Variants in ZBED6 observed in about 807,000 individuals in gnomAD.
ZBED6 encodes zinc finger BED-type containing 6.
Under a neutral mutation model 58.4 loss-of-function variants are expected in ZBED6, and 40 were observed. That is an observed-to-expected ratio of 0.68 (90% CI 0.53 to 0.89). The LOEUF (loss-of-function observed/expected upper bound fraction) is 0.89, where lower values mean the gene tolerates loss of function less well. Among genes scored for constraint, ZBED6 ranks in the 40% least tolerant of loss-of-function variants. The pLI is 0.00. For missense variants in ZBED6, 1,057 were observed against 1,003.9 expected (o/e 1.05, Z -0.71); for synonymous variants, 439 against 350.6 (o/e 1.25, Z -2.82).
intron 11 of ZBED6, among the ~76,000 whole-genome samples, chr1:203,842,696 G>A (rs1008683470): frequency 6.7e-6 from 1 of 149,994 alleles, no homozygotes; most frequent in African/African-American, 2.4e-5. Context: ...GCATATGTAT[G>A]AGATTATTCT....
chr1:203,847,779 C>A, intron 12 of ZBED6, 92 bp downstream of exon 12: 1 of 1,511,454 alleles, frequency 6.6e-7, no homozygotes, highest in Non-Finnish European at 8.9e-7. Context: ...GTTTGACAAC[C>A]TTTCTTTACT....
exon 14 of ZBED6, chr1:203,849,819 T>C (rs773950082): frequency 2.1e-5 from 34 of 1,613,874 alleles, no homozygotes; most frequent in South Asian, 5.5e-5. Context: ...AAAATCAGTC[T>C]TGACACCTCT....
At chr1:203,799,428 C>T (rs1427136228) in exon 1 of ZBED6, 5 of 703,064 alleles carry the variant, frequency 7.1e-6, no homozygotes, top group Admixed American at 2.0e-5. Flanking sequence ...TCACCAACTT[C>T]CATGGAAGAA....
At chr1:203,853,460 T>C (rs904721579) in exon 17 of ZBED6, 1 of 152,614 alleles carries the variant, frequency 6.6e-6, no homozygotes, top group African/African-American at 2.4e-5. Context: ...TTTTCTTTTC[T>C]TGATGTTGGT....
At chr1:203,848,556 C>A in intron 13 of ZBED6, 149 bp downstream of exon 13, 2 of 664,820 alleles carry the variant, frequency 3.0e-6, no homozygotes, top group Non-Finnish European at 5.0e-6. Context: ...TGAGAATTTC[C>A]TGTAGTTCTA....
exon 8 of ZBED6, chr1:203,831,679 C>T: frequency 6.2e-7 from 1 of 1,612,602 alleles, no homozygotes; most frequent in South Asian, 1.1e-5. Flanking sequence ...TCAGGAGTTT[C>T]CAGTCTTTTA....
intron 11 of ZBED6, among the ~76,000 whole-genome samples, chr1:203,843,830 A>AT (rs939578290): frequency 9.4e-5 from 14 of 148,336 alleles, no homozygotes; most frequent in South Asian, 6.5e-4. Context: ...TTGTTCTCTT[A>AT]TTTTTTTTTC....
At chr1:203,824,665 G>C (rs11240568) in intron 3 of ZBED6, among the ~76,000 whole-genome samples, 39,127 of 152,080 alleles carry the variant, frequency 0.26, 5,313 homozygotes, top group East Asian at 0.34. Context: ...TTTTCATGAT[G>C]TATTTGGTTC....
intron 13 of ZBED6, among the ~76,000 whole-genome samples, chr1:203,849,053 T>C (rs1230872043): frequency 6.6e-6 from 1 of 152,132 alleles, no homozygotes; most frequent in Non-Finnish European, 1.5e-5. Context: ...CCTGACTAAT[T>C]TTTGTATTTT....
chr1:203,821,083 A>G (rs1678506451), intron 3 of ZBED6, among the ~76,000 whole-genome samples: 1 of 152,058 alleles, frequency 6.6e-6, no homozygotes, highest in Non-Finnish European at 1.5e-5. Flanking sequence ...TAAGGGAGGG[A>G]CCTGATGGGA....
chr1:203,836,339 CTG>C lies in ZBED6; in HGVS notation c.*3574-1623_*3574-1622del, dbSNP rs1265682112. Among the ~76,000 whole-genome samples, 6 of 152,226 alleles carry C rather than the reference CTG, an allele frequency of 3.9e-5. No individual in the cohort carries two copies. The East Asian group carries it at 9.6e-4, about 24-fold the overall frequency. ...ATGAGGGGAGAGAAACAATCATACT[CTG>C]TGTAGGGTCTTTTGAAGCTTTGATA... is the stretch of plus-strand genomic sequence containing the variant. On this transcript the variant is annotated intron_variant, in intron 9 of 16. Transcript: ENST00000550078.
At chr1:203,804,573 A>G (rs538101014) in intron 1 of ZBED6, among the ~76,000 whole-genome samples, 1 of 151,768 alleles carries the variant, frequency 6.6e-6, no homozygotes, top group Admixed American at 6.6e-5. Context: ...CTTCTTGTAG[A>G]TCTTACATTT....
At chr1:203,829,295 C>A (rs1572170400) in intron 4 of ZBED6, 156 bp from the exon 5 acceptor site, 2 of 725,456 alleles carry the variant, frequency 2.8e-6, no homozygotes, top group East Asian at 5.4e-5. Flanking sequence ...AAAAGCACAT[C>A]TTTTCCCTCC....
chr1:203,833,618 G>GTTGTT (rs1683192614), intron 8 of ZBED6, among the ~76,000 whole-genome samples, 173 bp from the exon 9 acceptor site: 1 of 124,832 alleles, frequency 8.0e-6, no homozygotes, highest in African/African-American at 2.9e-5. Flanking sequence ...ATAGGTTTGG[G>GTTGTT]TTTTTTTTTT....
At chr1:203,834,067 G>C in intron 9 of ZBED6, 1 of 1,221,800 alleles carries the variant, frequency 8.2e-7, no homozygotes, top group African/African-American at 1.6e-5. Context: ...TTATGACCAT[G>C]ACCAGCGTTT....
At chr1:203,829,211 C>G in intron 4 of ZBED6, 1 of 556,066 alleles carries the variant, frequency 1.8e-6, no homozygotes. Flanking sequence ...TTCTTCTAGT[C>G]TTCTGTTGAT....
chr1:203,833,617 G>GTTTTTTTTT (rs1558128351), intron 8 of ZBED6, among the ~76,000 whole-genome samples, 174 bp from the exon 9 acceptor site: 1 of 72,084 alleles, frequency 1.4e-5, no homozygotes, highest in African/African-American at 4.3e-5. Flanking sequence ...AATAGGTTTG[G>GTTTTTTTTT]GTTTTTTTTT....
chr1:203,815,105 C>G (rs1165676252), intron 1 of ZBED6: 1 of 151,510 alleles, frequency 6.6e-6, no homozygotes, highest in East Asian at 2.0e-4. Flanking sequence ...GCTGGGATTA[C>G]AGGCATGAGC....
At chr1:203,841,351 A>T (rs996848865) in intron 11 of ZBED6, among the ~76,000 whole-genome samples, 3 of 152,238 alleles carry the variant, frequency 2.0e-5, no homozygotes, top group South Asian at 2.1e-4. Flanking sequence ...GGGAGTGGTG[A>T]TGACTCTTAA....
Sources: gnomAD v4.1 joint callset for allele counts (sites outside exome capture counted in the v4.1 genomes callset) on GRCh38, gnomAD v4.1.1 for gene constraint, MANE v1.5 for transcripts, NCBI Gene and HGNC (gene_info 2026-07-23, HGNC 2026-07-21) for gene names.